CNN2: variants seen among roughly 807,000 people sequenced by gnomAD.
CNN2 encodes calponin 2.
In CNN2, 21 loss-of-function variants were observed where a neutral mutation model predicts 31.0. The observed-to-expected ratio is 0.68, with a 90% CI of 0.48 to 0.98. The LOEUF (loss-of-function observed/expected upper bound fraction) is 0.98. CNN2 is among the 50% of genes least tolerant of loss of function. The probability of loss-of-function intolerance (pLI) is 0.00; values close to 1 mark genes in which losing one functional copy is unlikely to be tolerated. For synonymous variants in CNN2, 165 were observed against 179.6 expected (o/e 0.92, Z 0.65); for missense variants, 399 against 427.3 (o/e 0.93, Z 0.58).
At chr19:1,030,454 G>A (rs1157615779) in intron 1 of CNN2, among the ~76,000 whole-genome samples, 2 of 152,012 alleles carry the variant, frequency 1.3e-5, no homozygotes, top group Non-Finnish European at 2.9e-5. Flanking sequence ...GTGAAACCCC[G>A]TCTCTATTAA....
At position 1,033,355 on chromosome 19, in the gene CNN2, T is replaced by C. The variant is rs183030914; in HGVS notation, c.390+659T>C. Among the ~76,000 whole-genome samples the C allele has an allele frequency of 5.9e-3, 892 of 151,856 alleles. 5 individuals carry two copies. Among genetic ancestry groups the C allele is most frequent in the Admixed American group, 0.011 (164 of 15,266 alleles). On this transcript the variant is annotated intron_variant, in intron 4 of 6. Transcript: ENST00000263097. Reference sequence around the variant, plus strand: ...CAACATGGTGAAACCCCATCTCTACTAAGAAAACAAAAATTACCTGGGCGT... The same window carrying C: ...CAACATGGTGAAACCCCATCTCTACCAAGAAAACAAAAATTACCTGGGCGT...
chr19:1,028,443 TC>T (rs1235851412), intron 1 of CNN2, among the ~76,000 whole-genome samples: 1 of 152,042 alleles, frequency 6.6e-6, no homozygotes, highest in Non-Finnish European at 1.5e-5. Flanking sequence ...CCCCCTGGCT[TC>T]CCGCTCACAC....
In CNN2 at chr19:1,026,646, C is replaced by A; in HGVS notation, c.-16C>A. The stretch of plus-strand genomic sequence containing the variant: ...CCCGTCCTGTGCGGCCCCGTCCCGC[C>A]GCCCGCCCGCCAGCCATGAGCTCCA... On this transcript the variant is annotated 5_prime_UTR_variant, in exon 1 of 7. Transcript: ENST00000263097. 1 of 1,531,500 alleles carries A rather than the reference C, an allele frequency of 6.5e-7. No individual in the cohort carries two copies. Among genetic ancestry groups the A allele is most frequent in the Admixed American group, 2.0e-5 (1 of 49,230 alleles). The allele number at this position is 1,531,500 out of a possible 1,614,324, so 94.9% of individuals were successfully genotyped here.
rs1255657950 is a variant in CNN2, at chr19:1,036,499, C to T, written c.591C>T (p.Ile197=). 6.2e-7 allele frequency: 1 copy of T among 1,613,220 alleles called. No homozygotes were observed. Among genetic ancestry groups the T allele is most frequent in the Admixed American group, 1.7e-5 (1 of 59,976 alleles). Residue 197 remains isoleucine (I), a synonymous_variant, in exon 6 of 7, where the codon ATC becomes ATT. Coordinates refer to ENST00000263097, the MANE Select transcript of CNN2 (RefSeq NM_004368.4). ...ATCTCTATGACCCCAAGAACCATAT[C>T]CTGCCCCCCATGGACCACTCGACCA... ...RRHLYDPKNH[I]LPPMDHSTIS...
intron 1 of CNN2, among the ~76,000 whole-genome samples, chr19:1,028,553 G>A (rs986473099): frequency 6.6e-6 from 1 of 152,224 alleles, no homozygotes; most frequent in Non-Finnish European, 1.5e-5. Flanking sequence ...AGGCAGCTCG[G>A]ATCCACAGTG....
chr19:1,035,791 A>G (rs186122358), intron 4 of CNN2, among the ~76,000 whole-genome samples: 46 of 152,264 alleles, frequency 3.0e-4, no homozygotes, highest in Admixed American at 2.4e-3. Flanking sequence ...GCGTGGTGGC[A>G]CACGCCTGTA....
chr19:1,031,564 CAAAAAAAAAAA>C (rs536524090), intron 2 of CNN2, among the ~76,000 whole-genome samples: 17 of 66,336 alleles, frequency 2.6e-4, no homozygotes, highest in East Asian at 9.4e-4. Flanking sequence ...GACTCCATCT[CAAAAAAAAAAA>C]AAAAAAAAAA....
intron 4 of CNN2, 101 bp from the exon 5 acceptor site, chr19:1,036,029 G>A: frequency 6.9e-7 from 1 of 1,454,268 alleles, no homozygotes; most frequent in Non-Finnish European, 9.1e-7. Flanking sequence ...GGCAGGCAGA[G>A]GTGACAGGCC....
At chr19:1,031,403 C>T (rs569954660) in intron 2 of CNN2, among the ~76,000 whole-genome samples, 5 of 150,320 alleles carry the variant, frequency 3.3e-5, no homozygotes, top group Admixed American at 6.6e-5. Flanking sequence ...GGTGAAACCC[C>T]GTCTGTACTA....
intron 6 of CNN2, 102 bp downstream of exon 6, chr19:1,036,664 A>C: frequency 1.4e-6 from 2 of 1,440,176 alleles, no homozygotes; most frequent in Non-Finnish European, 1.9e-6. Flanking sequence ...CCCCACTCTC[A>C]GTCTCAGCCC....
intron 2 of CNN2, 99 bp downstream of exon 2, chr19:1,031,291 GCCTGGCTCATGCCT>G: frequency 1.1e-6 from 1 of 942,806 alleles, no homozygotes; most frequent in South Asian, 2.0e-5. Flanking sequence ...GCCGGGCATG[GCCTGGCTCATGCCT>G]GTAATCCCAG....
Position 1,031,103 on chromosome 19 carries a change from A to T in CNN2, c.96A>T (p.Ala32=). Residue 32 remains alanine, a synonymous_variant, in exon 2 of 7, where the codon GCA becomes GCT. Transcript: ENST00000263097. ...CCAAATATGACCCCCAGAAGGAGGC[A>T]GAGCTCCGCACCTGGATCGAGGGAC... The part of the protein sequence containing the change: ...LLSKYDPQKE[A]ELRTWIEGLT... 2.5e-6 allele frequency: 4 copies of T among 1,613,254 alleles called. No homozygotes were observed. Among genetic ancestry groups the T allele is most frequent in the Non-Finnish European group, 3.4e-6 (4 of 1,179,838 alleles).
rs754959982 is a variant in CNN2 at position 1,036,517 on chromosome 19, C to T, written c.609C>T (p.His203=). ...PKNHILPPMD[H]STISLQMGTN... ...ACCATATCCTGCCCCCCATGGACCA[C>T]TCGACCATCAGCCTCCAGATGGGCA... The change falls in exon 6 of 7, where the codon CAC becomes CAT. Residue 203 remains histidine, a synonymous_variant. Coordinates refer to ENST00000263097, the MANE Select transcript of CNN2 (RefSeq NM_004368.4). The T allele has an allele frequency of 1.2e-6, 2 of 1,613,726 alleles. No homozygotes were observed. Among genetic ancestry groups the T allele is most frequent in the Non-Finnish European group, 8.5e-7 (1 of 1,179,736 alleles).
chr19:1,031,564 C>CAAAAA (rs536524090), intron 2 of CNN2, among the ~76,000 whole-genome samples: 6 of 66,336 alleles, frequency 9.0e-5, no homozygotes, highest in African/African-American at 4.3e-4. Flanking sequence ...GACTCCATCT[C>CAAAAA]AAAAAAAAAA....
chr19:1,028,852 G>A (rs974314801), intron 1 of CNN2, among the ~76,000 whole-genome samples: 1 of 152,132 alleles, frequency 6.6e-6, no homozygotes, highest in African/African-American at 2.4e-5. Context: ...AGTTGCCGGC[G>A]GGGCGGGGCT....
intron 2 of CNN2, 148 bp downstream of exon 2, chr19:1,031,340 G>GGTGGA (rs373711392): frequency 4.6e-6 from 1 of 217,798 alleles, no homozygotes. Context: ...GAGGGTGGTG[G>GGTGGA]CGGGGGGCGG....
intron 2 of CNN2, among the ~76,000 whole-genome samples, chr19:1,031,813 G>T (rs8113505): frequency 0.86 from 130,005 of 150,836 alleles, 56,116 homozygotes; most frequent in East Asian, 1. Context: ...AGATGGGGTT[G>T]CTCCATGTTG....
chr19:1,030,860 G>A (rs901767591), intron 1 of CNN2: 2 of 522,010 alleles, frequency 3.8e-6, no homozygotes, highest in Non-Finnish European at 6.9e-6. Context: ...CTGCTTGGAG[G>A]GCGGTTTATC....
intron 4 of CNN2, among the ~76,000 whole-genome samples, chr19:1,035,146 C>T (rs1267834546): frequency 1.3e-4 from 15 of 116,686 alleles, no homozygotes; most frequent in African/African-American, 2.8e-4. Flanking sequence ...CTGGTGTAGA[C>T]GGGGAGCGTG....
Sources: allele counts gnomAD v4.1 joint callset (sites outside exome capture counted in the v4.1 genomes callset), GRCh38; gene constraint gnomAD v4.1.1; transcripts MANE v1.5; gene names NCBI Gene and HGNC (gene_info 2026-07-23, HGNC 2026-07-21).